The following CPA4 variants were observed in gnomAD, a reference collection of about 807,000 sequenced individuals.
CPA4 encodes the protein carboxypeptidase A3.
In CPA4, 49 loss-of-function variants were observed where a neutral mutation model predicts 54.7. The ratio of observed to expected loss-of-function variants is 0.90; its 90% CI spans 0.71 to 1.14. The LOEUF is 1.14. Ranked by LOEUF, CPA4 falls within the 50% of genes most tolerant of loss-of-function variation. The pLI is 0.00. For missense variants in CPA4, 487 were observed against 525.1 expected, an observed-to-expected ratio of 0.93 and a Z score of 0.71; for synonymous variants, 215 against 206.8, an observed-to-expected ratio of 1.04 and a Z score of -0.34.
At chr7:130,311,157 A>C (rs1793907316) in intron 9 of CPA4, among the ~76,000 whole-genome samples, 171 bp downstream of exon 9, 2 of 152,124 alleles carry the variant, frequency 1.3e-5, no homozygotes, top group South Asian at 4.1e-4. Context: ...TGCTGGGGAC[A>C]GGAAAACAGT....
intron 3 of CPA4, among the ~76,000 whole-genome samples, chr7:130,300,003 T>A (rs1462697535): frequency 6.6e-6 from 1 of 152,228 alleles, no homozygotes; most frequent in Non-Finnish European, 1.5e-5. Flanking sequence ...GGACAGGGTC[T>A]GGCTCATGCT....
At chr7:130,311,918 G>C (rs1254795804) in intron 9 of CPA4, 120 bp from the exon 10 acceptor site, 4 of 731,296 alleles carry the variant, frequency 5.5e-6, no homozygotes, top group African/African-American at 1.7e-5. Context: ...GGGAAACAAG[G>C]GACCAGAAAG....
intron 1 of CPA4, among the ~76,000 whole-genome samples, chr7:130,295,855 T>C (rs1017182176): frequency 2.0e-5 from 3 of 152,202 alleles, no homozygotes; most frequent in African/African-American, 7.2e-5. Flanking sequence ...GGTGCATGCC[T>C]GCAATCCCAG....
chr7:130,315,217 G>A (rs2117159075), intron 10 of CPA4, among the ~76,000 whole-genome samples: 1 of 152,126 alleles, frequency 6.6e-6, no homozygotes, highest in East Asian at 1.9e-4. Context: ...CAAATAAAAT[G>A]GCAGATGGTA....
intron 10 of CPA4, 95 bp from the exon 11 acceptor site, chr7:130,322,394 C>T: frequency 9.7e-7 from 1 of 1,033,518 alleles, no homozygotes; most frequent in Non-Finnish European, 1.5e-6. Flanking sequence ...CTCTGGATTC[C>T]TTAAGGAACC....
intron 9 of CPA4, among the ~76,000 whole-genome samples, chr7:130,311,483 C>T (rs190934827): frequency 6.1e-4 from 93 of 152,296 alleles, no homozygotes; most frequent in African/African-American, 2.1e-3. Context: ...AGATGCAGCC[C>T]CTCCCAGGCT....
intron 10 of CPA4, among the ~76,000 whole-genome samples, chr7:130,313,501 G>T (rs956060262): frequency 1.6e-4 from 25 of 152,206 alleles, no homozygotes; most frequent in Non-Finnish European, 5.9e-5. Context: ...GAGGACTGCA[G>T]CTGAGGAGTC....
At chr7:130,314,677 G>A (rs1049122359) in intron 10 of CPA4, among the ~76,000 whole-genome samples, 1 of 152,140 alleles carries the variant, frequency 6.6e-6, no homozygotes, top group African/African-American at 2.4e-5. Context: ...TATACTGAAA[G>A]AAACAAGAAA....
At position 130,307,629 on chromosome 7, in the gene CPA4, C is replaced by CAAAA. The variant is rs139677506; in HGVS notation, c.703-677_703-676insAAAA. The stretch of plus-strand genomic sequence containing the variant: ...TGGGCGACAGGGCAAGACTCCATCT[C>CAAAA]AGAAAAAAAAAAAAAAAAAAGTGTT... On this transcript the variant is annotated intron_variant, in intron 7 of 10. Transcript: ENST00000222482. Among the ~76,000 whole-genome samples the CAAAA allele has an allele frequency of 3.7e-4, 47 of 127,152 alleles. 5 individuals are homozygous for CAAAA. Among genetic ancestry groups the CAAAA allele is most frequent in the Non-Finnish European group, 3.6e-4 (22 of 61,520 alleles). 83.4% of individuals were successfully genotyped at this position (127,152 alleles called of 152,430 possible). A position where few individuals can be genotyped will look rare whatever the true frequency, so the allele number is the denominator to read the frequency against.
chr7:130,306,030 C>A, intron 6 of CPA4, 110 bp downstream of exon 6: 1 of 855,446 alleles, frequency 1.2e-6, no homozygotes, highest in Non-Finnish European at 1.9e-6. Flanking sequence ...TACTAAGACC[C>A]AGTCGGCTGG....
In CPA4 at chr7:130,317,023, G is replaced by T. The variant is rs573127644; in HGVS notation, c.1078+4901G>T. Among the ~76,000 whole-genome samples, 5 of 152,266 alleles carry T rather than the reference G, an allele frequency of 3.3e-5. No homozygotes were observed. The South Asian group carries it at 1.0e-3, about 32-fold the overall frequency. The stretch of plus-strand genomic sequence containing the variant: ...TTGAATATAGGGCTTGCATGCGAGA[G>T]GATGGAAAGGATGAGATGGAGGTGA... On this transcript the variant is annotated intron_variant, in intron 10 of 10. Coordinates refer to ENST00000222482, the MANE Select transcript of CPA4 (RefSeq NM_016352.4).
At chr7:130,320,900 A>G (rs1794084045) in intron 10 of CPA4, among the ~76,000 whole-genome samples, 1 of 152,186 alleles carries the variant, frequency 6.6e-6, no homozygotes, top group East Asian at 1.9e-4. Flanking sequence ...ACATCATTTT[A>G]TTATTTAATG....
intron 4 of CPA4, among the ~76,000 whole-genome samples, chr7:130,301,943 G>A (rs1793744191): frequency 6.6e-6 from 1 of 152,190 alleles, no homozygotes; most frequent in Admixed American, 6.5e-5. Flanking sequence ...TCATGAACAT[G>A]GGGCCCTCGC....
intron 10 of CPA4, among the ~76,000 whole-genome samples, chr7:130,321,253 T>G (rs1794093615): frequency 6.6e-6 from 1 of 152,148 alleles, no homozygotes; most frequent in Non-Finnish European, 1.5e-5. Context: ...TCTGAGCTAG[T>G]AGGGTTTGAC....
rs913676050 is a variant in CPA4 at position 130,322,719 on chromosome 7, G to T, written c.*43G>T. 13 of 1,565,874 alleles carry T rather than the reference G, an allele frequency of 8.3e-6. No individual in the cohort carries two copies. The highest frequency in any genetic ancestry group is 1.0e-5 in the Non-Finnish European group (12 of 1,151,520). On this transcript the variant is annotated 3_prime_UTR_variant, in exon 11 of 11. Transcript: ENST00000222482. ...TCTACATTTATTTGTACCCACACGT[G>T]CACGCACTGAGGCCATTGTTAAAGG... is the stretch of plus-strand genomic sequence containing the variant.
chr7:130,308,268 G>T (rs1224353699), intron 7 of CPA4, 39 bp from the exon 8 acceptor site: 1 of 1,552,036 alleles, frequency 6.4e-7, no homozygotes, highest in Admixed American at 1.7e-5. Flanking sequence ...GATCTGATCT[G>T]CCTCTGGTTG....
At chr7:130,294,752 G>A (rs1021422630) in intron 1 of CPA4, among the ~76,000 whole-genome samples, 2 of 152,200 alleles carry the variant, frequency 1.3e-5, no homozygotes, top group Non-Finnish European at 2.9e-5. Context: ...CCATTCTCAC[G>A]CCATAGTAGG....
At chr7:130,299,608 A>C in intron 3 of CPA4, 2 of 544,532 alleles carry the variant, frequency 3.7e-6, no homozygotes, top group Non-Finnish European at 6.6e-6. Context: ...CCAGGGAACC[A>C]CACAGATTTG....
chr7:130,311,013 C>G, intron 9 of CPA4, 27 bp downstream of exon 9: 1 of 1,600,854 alleles, frequency 6.2e-7, no homozygotes, highest in Middle Eastern at 2.1e-4. Context: ...TCCCACCCAG[C>G]CTGGGGCCCG....
Sources: gnomAD v4.1 joint callset for allele counts (sites outside exome capture counted in the v4.1 genomes callset) on GRCh38, gnomAD v4.1.1 for gene constraint, MANE v1.5 for transcripts, NCBI Gene and HGNC (gene_info 2026-07-23, HGNC 2026-07-21) for gene names.